TMEM185A: variants seen among roughly 807,000 people sequenced by gnomAD.
TMEM185A encodes the protein transmembrane protein 185A.
Under a neutral mutation model 25.0 loss-of-function variants are expected in TMEM185A, and 9 were observed. The ratio of observed to expected loss-of-function variants is 0.36; its 90% CI spans 0.22 to 0.63. The LOEUF (loss-of-function observed/expected upper bound fraction) is 0.63, where lower values mean the gene tolerates loss of function less well. TMEM185A is among the 20% of genes least tolerant of loss of function. The probability of loss-of-function intolerance (pLI) is 0.68; values close to 1 mark genes in which losing one functional copy is unlikely to be tolerated. For synonymous variants in TMEM185A, 45 were observed against 93.5 expected (o/e 0.48, Z 2.99); for missense variants, 103 against 237.4 (o/e 0.43, Z 3.72).
intron 1 of TMEM185A, among the ~76,000 whole-genome samples, chrX:149,620,389 C>T (rs920795196): frequency 8.9e-5 from 10 of 112,377 alleles, no homozygotes; most frequent in Admixed American, 1.9e-4. Flanking sequence ...ATGCATTCTT[C>T]CCATTTCATC....
chrX:149,598,755 G>T (rs1378492551), intron 6 of TMEM185A, among the ~76,000 whole-genome samples: 1 of 81,380 alleles, frequency 1.2e-5, no homozygotes, highest in Non-Finnish European at 2.1e-5. Context: ...AATCCGTGAG[G>T]GCGGTAGTCA....
Position 149,597,321 on chromosome X carries a change from C to A in TMEM185A, c.*690G>T. The A allele has an allele frequency of 1.5e-5, 1 of 67,914 alleles. No individual in the cohort carries two copies. 5.6% of individuals were successfully genotyped at this position (67,914 alleles called of 1,213,427 possible). On this transcript the variant is annotated 3_prime_UTR_variant, in exon 7 of 7. Transcript: ENST00000600449. ...AAATACTTGAACAGAATATGCTGTA[C>A]AGAACTAGGGGTTAACACCGCATAT...
chrX:149,627,288 C>T (rs2124240838), intron 1 of TMEM185A, among the ~76,000 whole-genome samples: 1 of 112,828 alleles, frequency 8.9e-6, no homozygotes, highest in East Asian at 2.8e-4. Flanking sequence ...TGCCTGCAAA[C>T]ATATTGTTAA....
At chrX:149,612,243 G>T (rs1347569786) in intron 1 of TMEM185A, among the ~76,000 whole-genome samples, 2 of 112,166 alleles carry the variant, frequency 1.8e-5, no homozygotes, top group African/African-American at 6.5e-5. Flanking sequence ...AGGCAGTGGA[G>T]AACAGGTGAG....
chrX:149,608,534 T>C, intron 3 of TMEM185A, 93 bp downstream of exon 3: 4 of 873,189 alleles, frequency 4.6e-6, no homozygotes, highest in Non-Finnish European at 6.6e-6. Flanking sequence ...TTTCACCATG[T>C]TGGCCAGGCT....
intron 1 of TMEM185A, among the ~76,000 whole-genome samples, chrX:149,624,379 G>A (rs782741016): frequency 8.9e-6 from 1 of 112,363 alleles, no homozygotes; most frequent in Non-Finnish European, 1.9e-5. Context: ...GAGGGAGAGA[G>A]AGAATATACT....
At chrX:149,604,198 C>G in intron 3 of TMEM185A, 128 bp from the exon 4 acceptor site, 1 of 446,188 alleles carries the variant, frequency 2.2e-6, no homozygotes, top group Non-Finnish European at 3.8e-6. Context: ...TTATATTGCA[C>G]TGGAAACTCC....
chrX:149,603,369 A>G (rs1437314197), intron 4 of TMEM185A, among the ~76,000 whole-genome samples: 3 of 109,479 alleles, frequency 2.7e-5, no homozygotes, highest in African/African-American at 1.0e-4. Context: ...TCAAGTGATC[A>G]GCTCACCTCG....
intron 1 of TMEM185A, among the ~76,000 whole-genome samples, chrX:149,622,403 A>G (rs2090143634): frequency 8.9e-6 from 1 of 111,951 alleles, no homozygotes; most frequent in Non-Finnish European, 1.9e-5. Flanking sequence ...AAAGTTCCTA[A>G]GGAAAATACG....
intron 2 of TMEM185A, 21 bp from the exon 3 acceptor site, chrX:149,608,855 G>A: frequency 5.9e-6 from 7 of 1,179,631 alleles, no homozygotes; most frequent in Non-Finnish European, 6.9e-6. Flanking sequence ...GAGAGAAGAA[G>A]AAAACACCCT....
chrX:149,624,283 T>C (rs2090153023), intron 1 of TMEM185A, among the ~76,000 whole-genome samples: 1 of 112,323 alleles, frequency 8.9e-6, no homozygotes, highest in Non-Finnish European at 1.9e-5. Context: ...CTCTCTGAAA[T>C]TTACATGGAG....
At chrX:149,624,848 T>C (rs374336349) in intron 1 of TMEM185A, among the ~76,000 whole-genome samples, 1 of 112,244 alleles carries the variant, frequency 8.9e-6, no homozygotes, top group Non-Finnish European at 1.9e-5. Flanking sequence ...TCAACTGCCA[T>C]TCATCAGCGG....
At chrX:149,631,474 G>A in intron 1 of TMEM185A, 69 bp downstream of exon 1, 1 of 1,109,338 alleles carries the variant, frequency 9.0e-7, no homozygotes, top group Non-Finnish European at 1.2e-6. Context: ...TGCCTCCCCG[G>A]AGCCGAACAC....
intron 2 of TMEM185A, among the ~76,000 whole-genome samples, chrX:149,610,671 TCC>T (rs2090078526): frequency 4.5e-5 from 5 of 111,309 alleles, no homozygotes; most frequent in African/African-American, 1.6e-4. Flanking sequence ...GTGAGCCAAC[TCC>T]CAGGAATTTG....
intron 1 of TMEM185A, among the ~76,000 whole-genome samples, chrX:149,628,091 T>G (rs1169740911): frequency 8.9e-6 from 1 of 111,839 alleles, no homozygotes; most frequent in East Asian, 2.8e-4. Context: ...TCTCAGCCTT[T>G]GTTCCAGTCT....
chrX:149,626,981 C>CA (rs2090166563), intron 1 of TMEM185A, among the ~76,000 whole-genome samples: 1 of 112,272 alleles, frequency 8.9e-6, no homozygotes, highest in South Asian at 3.7e-4. Context: ...CAGCTTTACA[C>CA]AGAGACATTC....
intron 1 of TMEM185A, among the ~76,000 whole-genome samples, chrX:149,613,541 C>A (rs1444478242): frequency 8.9e-6 from 1 of 112,000 alleles, no homozygotes; most frequent in East Asian, 2.8e-4. Context: ...GCAGATTAAT[C>A]CCTGGAGGCT....
intron 1 of TMEM185A, among the ~76,000 whole-genome samples, chrX:149,618,394 T>C (rs2090121655): frequency 9.0e-6 from 1 of 111,159 alleles, no homozygotes; most frequent in Admixed American, 9.6e-5. Context: ...GCTGGGAAGA[T>C]CATGAGATTC....
At chrX:149,608,351 G>A in intron 3 of TMEM185A, 3 of 170,102 alleles carry the variant, frequency 1.8e-5, no homozygotes, top group South Asian at 2.4e-4. Flanking sequence ...TTTTTTTTAA[G>A]ACGGAGTTTC....
Sources: gnomAD v4.1 joint callset for allele counts (sites outside exome capture counted in the v4.1 genomes callset) on GRCh38, gnomAD v4.1.1 for gene constraint, MANE v1.5 for transcripts, NCBI Gene and HGNC (gene_info 2026-07-23, HGNC 2026-07-21) for gene names.